The following SORCS2 variants were observed in gnomAD, a reference collection of about 807,000 sequenced individuals.
SORCS2 encodes the protein sortilin related VPS10 domain containing receptor 2.
SORCS2 carries 100 observed loss-of-function variants against 141.6 expected under a neutral mutation model. The observed-to-expected ratio is 0.71, with a 90% CI of 0.60 to 0.83. SORCS2 has a LOEUF of 0.83. SORCS2 is among the 40% of genes least tolerant of loss of function. The pLI is 0.00. For synonymous variants in SORCS2, 789 were observed against 676.9 expected (o/e 1.17, Z -2.57); for missense variants, 1,646 against 1,560.2 (o/e 1.05, Z -0.93).
intron 10 of SORCS2, among the ~76,000 whole-genome samples, chr4:7,688,852 A>G (rs547469975): frequency 5.9e-5 from 9 of 152,186 alleles, no homozygotes; most frequent in Non-Finnish European, 1.0e-4. Context: ...AGGCTGCCAG[A>G]GAGAGATCAG....
At chr4:7,636,837 C>G (rs1438233126) in intron 3 of SORCS2, among the ~76,000 whole-genome samples, 3 of 152,126 alleles carry the variant, frequency 2.0e-5, no homozygotes, top group African/African-American at 7.2e-5. Context: ...GAGCTGAAAA[C>G]AGCAGCAATG....
chr4:7,521,895 G>A (rs1373162738), intron 2 of SORCS2, among the ~76,000 whole-genome samples: 6 of 152,222 alleles, frequency 3.9e-5, no homozygotes, highest in African/African-American at 1.4e-4. Flanking sequence ...GGACACAGCG[G>A]CTGCGTCTTC....
intron 1 of SORCS2, among the ~76,000 whole-genome samples, chr4:7,239,764 G>A (rs1009745657): frequency 6.6e-6 from 1 of 152,226 alleles, no homozygotes; most frequent in African/African-American, 2.4e-5. Flanking sequence ...TTGCCCTTTC[G>A]GATGTTAGGG....
At chr4:7,259,706 T>C (rs934264914) in intron 1 of SORCS2, among the ~76,000 whole-genome samples, 1 of 152,378 alleles carries the variant, frequency 6.6e-6, no homozygotes, top group African/African-American at 2.4e-5. Flanking sequence ...CCACGCTGTC[T>C]TCCATTTCCT....
chr4:7,514,810 C>G (rs995933969), intron 2 of SORCS2, among the ~76,000 whole-genome samples: 15 of 152,144 alleles, frequency 9.9e-5, no homozygotes, highest in African/African-American at 3.6e-4. Context: ...TTGATCTCAG[C>G]CCCTCCAGAG....
At chr4:7,652,158 G>C (rs910786522) in intron 4 of SORCS2, among the ~76,000 whole-genome samples, 1 of 152,152 alleles carries the variant, frequency 6.6e-6, no homozygotes. Flanking sequence ...CACCCGACAC[G>C]CTGCTGTGCC....
intron 2 of SORCS2, among the ~76,000 whole-genome samples, chr4:7,420,123 C>G (rs1033553793): frequency 2.0e-5 from 3 of 152,244 alleles, no homozygotes; most frequent in Non-Finnish European, 4.4e-5. Context: ...AGCCACTGGG[C>G]TGCTCCCATC....
chr4:7,627,411 C>T (rs1719583303), intron 3 of SORCS2, among the ~76,000 whole-genome samples: 1 of 152,204 alleles, frequency 6.6e-6, no homozygotes, highest in East Asian at 1.9e-4. Flanking sequence ...CAAGCCCTGG[C>T]ATCAGTCTGC....
At chr4:7,388,078 ACACACACATG>A (rs1027144115) in intron 1 of SORCS2, among the ~76,000 whole-genome samples, 5 of 59,688 alleles carry the variant, frequency 8.4e-5, no homozygotes, top group Non-Finnish European at 1.3e-4. Context: ...ACAGAGATAC[ACACACACATG>A]CACACACATG....
chr4:7,232,346 C>T lies in SORCS2; in HGVS notation c.480+39220C>T, dbSNP rs367829716. ...GGTCTGAGCCAGCCCAGTGCCTGTT[C>T]CCTGTGGGCTCTGCTCCTGGTGCTG... On this transcript the variant is annotated intron_variant, in intron 1 of 26. Coordinates refer to ENST00000507866, the MANE Select transcript of SORCS2 (RefSeq NM_020777.3). 4.3e-4 allele frequency among the ~76,000 whole-genome samples: 66 copies of T among 152,294 alleles called. 1 individual carries two copies. The highest frequency in any genetic ancestry group is 1.4e-3 in the African/African-American group (60 of 41,552).
chr4:7,569,696 A>G (rs946206971), intron 3 of SORCS2, among the ~76,000 whole-genome samples: 10 of 152,168 alleles, frequency 6.6e-5, no homozygotes, highest in African/African-American at 1.9e-4. Context: ...TCCAGCCACC[A>G]CAGGGCGGGG....
At chr4:7,373,004 C>CTGT (rs1722357351) in intron 1 of SORCS2, among the ~76,000 whole-genome samples, 1 of 87,024 alleles carries the variant, frequency 1.1e-5, no homozygotes, top group Non-Finnish European at 2.7e-5. Flanking sequence ...TTGGTGGTTT[C>CTGT]TGTTTTTTTT....
chr4:7,281,287 C>T lies in SORCS2; in HGVS notation c.480+88161C>T, dbSNP rs944887974. On this transcript the variant is annotated intron_variant, in intron 1 of 26. Coordinates refer to ENST00000507866, the MANE Select transcript of SORCS2 (RefSeq NM_020777.3). ...AGAAATCATTCTCTCTCGGGGGGAC[C>T]ATTTTGCCCATCTCCGCTTGTCGGT... Among the ~76,000 whole-genome samples the T allele has an allele frequency of 3.9e-5, 6 of 152,062 alleles. No homozygotes were observed. The South Asian group carries it at 6.2e-4, about 16-fold the overall frequency.
chr4:7,556,804 C>T, intron 3 of SORCS2, among the ~76,000 whole-genome samples: 1 of 149,534 alleles, frequency 6.7e-6, no homozygotes, highest in Non-Finnish European at 1.5e-5. Context: ...ATCCACTTAC[C>T]TGCCCATCAT....
At chr4:7,374,184 TTTC>T (rs1722479573) in intron 1 of SORCS2, among the ~76,000 whole-genome samples, 5 of 132,656 alleles carry the variant, frequency 3.8e-5, no homozygotes, top group African/African-American at 1.4e-4. Context: ...TCTTTCTTTC[TTTC>T]TTTCTTTCTT....
intron 1 of SORCS2, among the ~76,000 whole-genome samples, chr4:7,220,626 G>A (rs1728646042): frequency 6.6e-6 from 1 of 152,132 alleles, no homozygotes; most frequent in South Asian, 2.1e-4. Context: ...GAGGGAGTGG[G>A]GACAGTTGAT....
intron 2 of SORCS2, among the ~76,000 whole-genome samples, chr4:7,418,548 T>C (rs571396802): frequency 3.7e-4 from 56 of 152,230 alleles, no homozygotes; most frequent in African/African-American, 1.3e-3. Flanking sequence ...GAGATCATTG[T>C]CTCCACTCCA....
At chr4:7,528,834 A>G (rs7664638) in intron 2 of SORCS2, among the ~76,000 whole-genome samples, 141,501 of 152,186 alleles carry the variant, frequency 0.93, 66,117 homozygotes, top group East Asian at 1. Flanking sequence ...GAGGTCAGAA[A>G]TCTGAGAGTG....
At chr4:7,536,105 G>A (rs2109562800) in intron 3 of SORCS2, among the ~76,000 whole-genome samples, 1 of 152,330 alleles carries the variant, frequency 6.6e-6, no homozygotes, top group Middle Eastern at 3.4e-3. Context: ...ACGCAGGTCA[G>A]GGAGGGCCAG....
Sources: allele counts gnomAD v4.1 joint callset (sites outside exome capture counted in the v4.1 genomes callset), GRCh38; gene constraint gnomAD v4.1.1; transcripts MANE v1.5; gene names NCBI Gene and HGNC (gene_info 2026-07-23, HGNC 2026-07-21).